The following HYAL4 variants were observed in gnomAD, a reference collection of about 807,000 sequenced individuals.
The protein encoded by HYAL4 is hyaluronidase 4.
In HYAL4, 37 loss-of-function variants were observed where a neutral mutation model predicts 35.2. The observed-to-expected ratio is 1.05, with a 90% confidence interval of 0.81 to 1.38. HYAL4 has a LOEUF of 1.38. HYAL4 is among the 40% of genes most tolerant of loss of function. The pLI is 0.00. For synonymous variants in HYAL4, 198 were observed against 203.2 expected (o/e 0.97, Z 0.22); for missense variants, 572 against 572.4 (o/e 1.00, Z 0.01).
At chr7:123,822,519 A>ACC in the HYAL4 span, among the ~76,000 whole-genome samples, 1 of 152,140 alleles carries the variant, frequency 6.6e-6, no homozygotes, top group Admixed American at 6.6e-5. Flanking sequence ...GAATTTCATT[A>ACC]TTACTTATGA....
At chr7:123,827,386 T>C (rs1805814214), upstream of HYAL4, among the ~76,000 whole-genome samples, 4 of 152,196 alleles carry the variant, frequency 2.6e-5, no homozygotes, top group South Asian at 6.2e-4. Context: ...GTGTTCTGTG[T>C]TGTCTTCATT....
At chr7:123,787,289 G>T in the HYAL4 span, among the ~76,000 whole-genome samples, 9 of 152,002 alleles carry the variant, frequency 5.9e-5, no homozygotes, top group East Asian at 1.4e-3. Flanking sequence ...TGTCATGAAA[G>T]AAAAGATTCT....
chr7:123,796,633 A>G, the HYAL4 span, among the ~76,000 whole-genome samples: 1 of 152,192 alleles, frequency 6.6e-6, no homozygotes, highest in African/African-American at 2.4e-5. Flanking sequence ...AAACTTGTAC[A>G]CTAATGTTTA....
At chr7:123,826,232 A>G (rs1396095666), upstream of HYAL4, among the ~76,000 whole-genome samples, 1 of 152,036 alleles carries the variant, frequency 6.6e-6, no homozygotes, top group African/African-American at 2.4e-5. Flanking sequence ...TGAGATAGAG[A>G]TAGGAAATGC....
the HYAL4 span, among the ~76,000 whole-genome samples, chr7:123,801,208 T>A: frequency 0.25 from 38,151 of 152,054 alleles, 5,159 homozygotes; most frequent in Middle Eastern, 0.34. Context: ...TTATTCATAT[T>A]ATTTCTCATT....
At chr7:123,872,201 CTGTA>C (rs2116964531) in intron 3 of HYAL4, among the ~76,000 whole-genome samples, 1 of 152,242 alleles carries the variant, frequency 6.6e-6, no homozygotes, top group African/African-American at 2.4e-5. Flanking sequence ...TTATTGCACT[CTGTA>C]TGGCCATATT....
the HYAL4 span, among the ~76,000 whole-genome samples, chr7:123,817,164 T>A: frequency 6.0e-4 from 91 of 152,248 alleles, no homozygotes; most frequent in Non-Finnish European, 1.1e-3. Context: ...CCATTGGTCA[T>A]CCCCTTTATC....
At chr7:123,774,798 C>G in the HYAL4 span, among the ~76,000 whole-genome samples, 1 of 152,178 alleles carries the variant, frequency 6.6e-6, no homozygotes, top group Non-Finnish European at 1.5e-5. Flanking sequence ...CCTTCTGACT[C>G]TTTATGTCGA....
chr7:123,786,756 TTCATCTATCTA>T, the HYAL4 span, among the ~76,000 whole-genome samples: 3 of 121,758 alleles, frequency 2.5e-5, no homozygotes, highest in African/African-American at 9.5e-5. Flanking sequence ...CTATCTATCT[TTCATCTATCTA>T]AACTGTAAAG....
the HYAL4 span, among the ~76,000 whole-genome samples, chr7:123,806,249 G>A: frequency 1.3e-5 from 2 of 152,150 alleles, no homozygotes; most frequent in Non-Finnish European, 2.9e-5. Context: ...GGAGGGGAAA[G>A]GAGGATGCTG....
At chr7:123,869,837 A>ACCCCCCCCC (rs36110237) in intron 3 of HYAL4, among the ~76,000 whole-genome samples, 5 of 140,126 alleles carry the variant, frequency 3.6e-5, no homozygotes, top group African/African-American at 8.1e-5. Flanking sequence ...ACAGGTGCTC[A>ACCCCCCCCC]CCCCCCCCCA....
At chr7:123,766,566 GTTGAC>G in the HYAL4 span, among the ~76,000 whole-genome samples, 1 of 151,970 alleles carries the variant, frequency 6.6e-6, no homozygotes, top group African/African-American at 2.4e-5. Flanking sequence ...TTTTAAAACT[GTTGAC>G]TTAATGGAAG....
chr7:123,857,690 TTTCTTTCTTTCTTTC>T (rs1392662126), intron 2 of HYAL4, among the ~76,000 whole-genome samples: 2 of 147,178 alleles, frequency 1.4e-5, no homozygotes, highest in Non-Finnish European at 3.0e-5. Context: ...TCTTTCTTTC[TTTCTTTCTTTCTTTC>T]TTTCTTTCTT....
At chr7:123,830,232 G>A (rs1423507113) in intron 1 of HYAL4, among the ~76,000 whole-genome samples, 1 of 152,088 alleles carries the variant, frequency 6.6e-6, no homozygotes, top group Admixed American at 6.6e-5. Flanking sequence ...ATAAAAATGA[G>A]TATCATCAAT....
At chr7:123,786,464 T>C in the HYAL4 span, among the ~76,000 whole-genome samples, 2 of 152,224 alleles carry the variant, frequency 1.3e-5, no homozygotes, top group African/African-American at 4.8e-5. Context: ...TTCTCTGTTA[T>C]TTCCCTACAG....
At chr7:123,827,616 G>A (rs186998177), upstream of HYAL4, among the ~76,000 whole-genome samples, 96 of 152,202 alleles carry the variant, frequency 6.3e-4, no homozygotes, top group Admixed American at 1.6e-3. Context: ...GACTGCCTCC[G>A]ATTGAATGTG....
upstream of HYAL4, among the ~76,000 whole-genome samples, chr7:123,828,143 A>G (rs1452819674): frequency 6.6e-6 from 1 of 152,110 alleles, no homozygotes; most frequent in Non-Finnish European, 1.5e-5. Context: ...ATTCTTACCT[A>G]CTATCATTGG....
the HYAL4 span, among the ~76,000 whole-genome samples, chr7:123,792,702 C>A: frequency 6.6e-6 from 1 of 152,100 alleles, no homozygotes; most frequent in Non-Finnish European, 1.5e-5. Context: ...TGCTTTTCTC[C>A]CTCTCTGACT....
At chr7:123,865,258 A>G (rs1375984669) in intron 2 of HYAL4, among the ~76,000 whole-genome samples, 3 of 152,184 alleles carry the variant, frequency 2.0e-5, no homozygotes, top group Admixed American at 6.5e-5. Context: ...GTACACAAAT[A>G]TAGTCTTTTC....
Sources: allele counts gnomAD v4.1 joint callset (sites outside exome capture counted in the v4.1 genomes callset), GRCh38; gene constraint gnomAD v4.1.1; transcripts MANE v1.5; gene names NCBI Gene and HGNC (gene_info 2026-07-23, HGNC 2026-07-21).